The following LOC400499 variants were observed in gnomAD, a reference collection of about 807,000 sequenced individuals.
At chr16:11,378,461 G>A in the LOC400499 span, among the ~76,000 whole-genome samples, 1 of 152,082 alleles carries the variant, frequency 6.6e-6, no homozygotes, top group African/African-American at 2.4e-5. Context: ...CTGGGGTTTT[G>A]CCATGTTTGC....
chr16:11,375,850 C>G, the LOC400499 span, among the ~76,000 whole-genome samples: 1 of 152,062 alleles, frequency 6.6e-6, no homozygotes, highest in South Asian at 2.1e-4. Flanking sequence ...CTGCCTCAGC[C>G]TCCCAAGTAG....
the LOC400499 span, among the ~76,000 whole-genome samples, chr16:11,511,617 T>C: frequency 9.8e-5 from 15 of 152,328 alleles, no homozygotes; most frequent in African/African-American, 3.1e-4. Flanking sequence ...ACCCCATTTA[T>C]ATGAAATTCC....
chr16:11,450,659 T>G, the LOC400499 span: 1 of 1,536,100 alleles, frequency 6.5e-7, no homozygotes, highest in Non-Finnish European at 8.7e-7. Flanking sequence ...CCTTCCCTGT[T>G]GGGGCCCTGA....
the LOC400499 span, chr16:11,398,418 C>T: frequency 1.6e-6 from 2 of 1,232,260 alleles, no homozygotes; most frequent in South Asian, 4.1e-5. Context: ...CTGTACTTCT[C>T]CCCAGAAGCT....
chr16:11,497,782 C>A, the LOC400499 span, among the ~76,000 whole-genome samples: 1 of 151,412 alleles, frequency 6.6e-6, no homozygotes, highest in Non-Finnish European at 1.5e-5. Flanking sequence ...TTCACAAAAA[C>A]CAGAAACCAC....
chr16:11,417,997 C>T, the LOC400499 span, among the ~76,000 whole-genome samples: 1 of 152,122 alleles, frequency 6.6e-6, no homozygotes, highest in Admixed American at 6.5e-5. Flanking sequence ...GGTTTGATGA[C>T]CAATGGGGTT....
At chr16:11,389,927 G>T in the LOC400499 span, among the ~76,000 whole-genome samples, 1 of 152,162 alleles carries the variant, frequency 6.6e-6, no homozygotes, top group African/African-American at 2.4e-5. Flanking sequence ...CAGTGCTCAC[G>T]AGGTATCTAT....
At chr16:11,423,102 T>A in the LOC400499 span, 1 of 399,114 alleles carries the variant, frequency 2.5e-6, no homozygotes, top group Non-Finnish European at 4.4e-6. Flanking sequence ...ACGGCCCCTG[T>A]GATCAGGCTG....
the LOC400499 span, among the ~76,000 whole-genome samples, chr16:11,405,719 T>C: frequency 6.6e-6 from 1 of 152,138 alleles, no homozygotes; most frequent in Non-Finnish European, 1.5e-5. Context: ...CCCCTGCCCA[T>C]TATGGGGCTT....
At chr16:11,487,735 G>T in the LOC400499 span, among the ~76,000 whole-genome samples, 2 of 146,846 alleles carry the variant, frequency 1.4e-5, no homozygotes, top group African/African-American at 2.5e-5. Context: ...TCTCAGTGTG[G>T]GGCTAATCTC....
chr16:11,494,936 C>T, the LOC400499 span, among the ~76,000 whole-genome samples: 5 of 152,178 alleles, frequency 3.3e-5, no homozygotes, highest in East Asian at 5.8e-4. Context: ...AGGCCAGACA[C>T]GGTGGCTCAT....
the LOC400499 span, chr16:11,387,095 C>A: frequency 8.1e-7 from 1 of 1,232,520 alleles, no homozygotes; most frequent in Admixed American, 4.2e-5. Context: ...GCGGCACAGC[C>A]CGGGGCAGGA....
At chr16:11,373,789 T>A in the LOC400499 span, among the ~76,000 whole-genome samples, 7 of 152,044 alleles carry the variant, frequency 4.6e-5, no homozygotes, top group African/African-American at 1.7e-4. Flanking sequence ...CCGGCTAATT[T>A]TTATATTTTT....
At chr16:11,491,932 T>C in the LOC400499 span, 1 of 396,264 alleles carries the variant, frequency 2.5e-6, no homozygotes, top group Non-Finnish European at 4.4e-6. Flanking sequence ...CAGGTGGACC[T>C]GCTGCCTAGC....
chr16:11,412,375 T>G, the LOC400499 span, among the ~76,000 whole-genome samples: 29 of 152,264 alleles, frequency 1.9e-4, no homozygotes, highest in African/African-American at 6.7e-4. Flanking sequence ...AACCAGAAAT[T>G]CCCCAGACTT....
At chr16:11,520,656 G>C in the LOC400499 span, among the ~76,000 whole-genome samples, 23 of 110,390 alleles carry the variant, frequency 2.1e-4, no homozygotes, top group South Asian at 6.0e-3. Flanking sequence ...GACAGAGTGA[G>C]ACTCCATCAA....
the LOC400499 span, among the ~76,000 whole-genome samples, chr16:11,386,623 T>C: frequency 6.6e-6 from 1 of 152,192 alleles, no homozygotes; most frequent in Non-Finnish European, 1.5e-5. Context: ...AGCCACGTTG[T>C]TACCTACATT....
At chr16:11,384,312 G>T in the LOC400499 span, 2 of 1,231,402 alleles carry the variant, frequency 1.6e-6, no homozygotes, top group African/African-American at 1.6e-5. Flanking sequence ...TGCCCAGAAG[G>T]CCAGCGGATA....
chr16:11,381,210 C>T, the LOC400499 span: 1 of 152,168 alleles, frequency 6.6e-6, no homozygotes, highest in African/African-American at 2.4e-5. Context: ...GCTGGTATTG[C>T]AAACATTTTT....
Sources: gnomAD v4.1 joint callset for allele counts (sites outside exome capture counted in the v4.1 genomes callset) on GRCh38, gnomAD v4.1.1 for gene constraint, MANE v1.5 for transcripts.